Variants in GRIA1 observed in about 807,000 individuals in gnomAD.
GRIA1 encodes glutamate ionotropic receptor AMPA type subunit 1.
GRIA1 carries 31 observed loss-of-function variants against 99.2 expected under a neutral mutation model. The ratio of observed to expected loss-of-function variants is 0.31; its 90% CI spans 0.23 to 0.42. The LOEUF is 0.42. Ranked by LOEUF, GRIA1 falls within the 10% of genes least tolerant of loss-of-function variation. The pLI is 1.00. For missense variants in GRIA1, 782 were observed against 1,157.5 expected (o/e 0.68, Z 4.71); for synonymous variants, 438 against 432.4 (o/e 1.01, Z -0.16).
rs1764300843 is a variant in GRIA1 at position 153,594,958 on chromosome 5, T to G, written c.221-51970T>G. ...TTACACCTTTCTTGTGATCTGTGGTTTTATGGCTTTCTTCTTATTGACTCT... is the reference window on the plus strand; with the variant it reads ...TTACACCTTTCTTGTGATCTGTGGTGTTATGGCTTTCTTCTTATTGACTCT... On this transcript the variant is annotated intron_variant, in intron 2 of 15. Transcript: ENST00000285900. 2.6e-5 allele frequency among the ~76,000 whole-genome samples: 4 copies of G among 152,110 alleles called. No individual in the cohort carries two copies. The South Asian group carries it at 8.3e-4, about 32-fold the overall frequency.
At chr5:153,703,021 C>G (rs1384916287) in intron 10 of GRIA1, among the ~76,000 whole-genome samples, 1 of 152,212 alleles carries the variant, frequency 6.6e-6, no homozygotes, top group Non-Finnish European at 1.5e-5. Context: ...CCTCCACTAC[C>G]CAGTGAAGCT....
intron 2 of GRIA1, among the ~76,000 whole-genome samples, chr5:153,634,321 A>C (rs1753193102): frequency 1.7e-5 from 2 of 114,558 alleles, no homozygotes; most frequent in African/African-American, 2.7e-5. Flanking sequence ...CCATCTCAAA[A>C]AAAAAAAAGA....
At position 153,602,437 on chromosome 5, in the gene GRIA1, G is replaced by A. The variant is rs1031265225; in HGVS notation, c.221-44491G>A. Among the ~76,000 whole-genome samples the A allele has an allele frequency of 4.0e-5, 6 of 151,662 alleles. No individual in the cohort carries two copies. In the South Asian group the frequency reaches 6.3e-4, roughly 16 times the overall value. On this transcript the variant is annotated intron_variant, in intron 2 of 15. Transcript: ENST00000285900. ...GGAGATATACCTAATGCTAAATGAC[G>A]AGTTAATGGGTGCAGCACACCAGCA...
intron 11 of GRIA1, among the ~76,000 whole-genome samples, chr5:153,741,095 G>C (rs536746039): frequency 6.9e-6 from 1 of 145,762 alleles, no homozygotes; most frequent in South Asian, 2.3e-4. Flanking sequence ...TCCTGCCTCA[G>C]CCTCCCGAGT....
At chr5:153,625,059 G>C (rs17592909) in intron 2 of GRIA1, among the ~76,000 whole-genome samples, 35,381 of 152,092 alleles carry the variant, frequency 0.23, 4,529 homozygotes, top group Non-Finnish European at 0.3. Context: ...TCATTCATGT[G>C]CCGCAGCCCT....
intron 11 of GRIA1, among the ~76,000 whole-genome samples, chr5:153,720,159 T>G (rs1759952826): frequency 6.6e-6 from 1 of 152,242 alleles, no homozygotes; most frequent in Non-Finnish European, 1.5e-5. Context: ...GAAACTAAGG[T>G]TGAAGAAGTT....
At position 153,811,996 on chromosome 5, in the gene GRIA1, C is replaced by T. The variant is rs1156600676; in HGVS notation, c.*771C>T. 1 of 152,200 alleles carries T rather than the reference C, an allele frequency of 6.6e-6. No individual in the cohort carries two copies. The highest frequency in any genetic ancestry group is 2.4e-5 in the African/African-American group (1 of 41,410). 9.4% of individuals were successfully genotyped at this position (152,200 alleles called of 1,614,324 possible). Reference sequence around the variant, plus strand: ...TTACTGCTGCTCAGAAAAACAGTTCCTTTAATGTGGAAGAGCCATTTCATA... The same window carrying T: ...TTACTGCTGCTCAGAAAAACAGTTCTTTTAATGTGGAAGAGCCATTTCATA... On this transcript the variant is annotated 3_prime_UTR_variant, in exon 16 of 16. Transcript: ENST00000285900.
chr5:153,787,684 G>A (rs1765047920), intron 13 of GRIA1, among the ~76,000 whole-genome samples: 1 of 152,140 alleles, frequency 6.6e-6, no homozygotes, highest in Non-Finnish European at 1.5e-5. Context: ...TTTGGCTGAT[G>A]GTCCTCGCAG....
chr5:153,772,946 A>G (rs923303764), intron 13 of GRIA1, among the ~76,000 whole-genome samples: 1 of 152,224 alleles, frequency 6.6e-6, no homozygotes. Context: ...CAATCAATAG[A>G]GTACCTCTGT....
chr5:153,537,477 A>T (rs1758687756), intron 2 of GRIA1, among the ~76,000 whole-genome samples: 1 of 151,946 alleles, frequency 6.6e-6, no homozygotes. Context: ...GCTATTGTGC[A>T]TCTCCTGCTC....
At chr5:153,503,895 C>A (rs1755240200) in intron 2 of GRIA1, among the ~76,000 whole-genome samples, 2 of 152,154 alleles carry the variant, frequency 1.3e-5, no homozygotes, top group African/African-American at 4.8e-5. Flanking sequence ...CTGAGACATG[C>A]CCTCTAGATT....
At chr5:153,521,668 G>T (rs1757158162) in intron 2 of GRIA1, among the ~76,000 whole-genome samples, 1 of 152,122 alleles carries the variant, frequency 6.6e-6, no homozygotes, top group African/African-American at 2.4e-5. Context: ...ATGTAGCTCT[G>T]GTGGTTGAAG....
intron 11 of GRIA1, among the ~76,000 whole-genome samples, chr5:153,742,030 C>CA (rs1424352796): frequency 4.6e-5 from 7 of 151,420 alleles, no homozygotes; most frequent in African/African-American, 1.5e-4. Flanking sequence ...CATAGCATAT[C>CA]ACAGCATACA....
chr5:153,685,639 A>T (rs537450261), intron 7 of GRIA1, among the ~76,000 whole-genome samples: 1 of 152,348 alleles, frequency 6.6e-6, no homozygotes, highest in South Asian at 2.1e-4. Context: ...AAATTGCCTG[A>T]GGGCACTTGG....
At chr5:153,641,825 C>T (rs576899074) in intron 2 of GRIA1, among the ~76,000 whole-genome samples, 23 of 152,346 alleles carry the variant, frequency 1.5e-4, no homozygotes, top group Admixed American at 1.5e-3. Flanking sequence ...GCCTGCTGAA[C>T]TCATCCTTAA....
chr5:153,516,377 G>GC (rs765711023), intron 2 of GRIA1, among the ~76,000 whole-genome samples: 2 of 151,546 alleles, frequency 1.3e-5, no homozygotes, highest in Non-Finnish European at 2.9e-5. Context: ...CTCCCCATTT[G>GC]CTCTATGTGC....
chr5:153,511,275 G>T (rs1452770354), intron 2 of GRIA1, among the ~76,000 whole-genome samples: 1 of 152,186 alleles, frequency 6.6e-6, no homozygotes, highest in Non-Finnish European at 1.5e-5. Flanking sequence ...GGCTTTTATT[G>T]ACCTGGTTGG....
At chr5:153,780,052 C>T (rs1053673266) in intron 13 of GRIA1, among the ~76,000 whole-genome samples, 1 of 152,234 alleles carries the variant, frequency 6.6e-6, no homozygotes, top group African/African-American at 2.4e-5. Context: ...CACTGAAGCA[C>T]TGCTCCTCCT....
intron 7 of GRIA1, among the ~76,000 whole-genome samples, chr5:153,685,372 A>T (rs1238510855): frequency 6.6e-6 from 1 of 152,160 alleles, no homozygotes; most frequent in Non-Finnish European, 1.5e-5. Context: ...TTGACTTTTG[A>T]TATGAATTTG....
Sources: gnomAD v4.1 joint callset for allele counts (sites outside exome capture counted in the v4.1 genomes callset) on GRCh38, gnomAD v4.1.1 for gene constraint, MANE v1.5 for transcripts, NCBI Gene and HGNC (gene_info 2026-07-23, HGNC 2026-07-21) for gene names.